CACNA1E: variants seen among roughly 807,000 people sequenced by gnomAD.
CACNA1E encodes calcium voltage-gated channel subunit alpha1 E.
Under a neutral mutation model 259.2 loss-of-function variants are expected in CACNA1E, and 40 were observed. That is an observed-to-expected ratio of 0.15 (90% CI 0.12 to 0.20). The LOEUF is 0.20. Ranked by LOEUF, CACNA1E falls within the 10% of genes least tolerant of loss-of-function variation. CACNA1E has a pLI of 1.00. For missense variants in CACNA1E, 1,874 were observed against 3,040.1 expected, an observed-to-expected ratio of 0.62 and a Z score of 9.02; for synonymous variants, 1,104 against 1,138.5, an observed-to-expected ratio of 0.97 and a Z score of 0.61.
chr1:181,427,327 C>A (rs1659358981), intron 2 of CACNA1E, among the ~76,000 whole-genome samples: 1 of 150,356 alleles, frequency 6.7e-6, no homozygotes, highest in African/African-American at 2.5e-5. Flanking sequence ...CTGCCCGTCC[C>A]AACCCCTCCC....
chr1:181,381,758 G>A (rs2101998333), intron 1 of CACNA1E, among the ~76,000 whole-genome samples: 1 of 152,330 alleles, frequency 6.6e-6, no homozygotes, highest in Middle Eastern at 3.4e-3. Flanking sequence ...ATATAACTGT[G>A]AGGTTGTAAG....
At chr1:181,369,338 G>A (rs770097777) in intron 1 of CACNA1E, among the ~76,000 whole-genome samples, 4 of 152,174 alleles carry the variant, frequency 2.6e-5, no homozygotes, top group Non-Finnish European at 2.9e-5. Context: ...CTGTTTCTTG[G>A]TCTGACTTGG....
chr1:181,617,724 A>G (rs1400740627), intron 6 of CACNA1E, among the ~76,000 whole-genome samples: 2 of 152,160 alleles, frequency 1.3e-5, no homozygotes, highest in East Asian at 3.9e-4. Context: ...TCACAGAAAG[A>G]TTGCCTCCCA....
chr1:181,504,519 T>C (rs1320650840), intron 1 of CACNA1E, among the ~76,000 whole-genome samples: 1 of 152,156 alleles, frequency 6.6e-6, no homozygotes, highest in Non-Finnish European at 1.5e-5. Flanking sequence ...ACACCCAATA[T>C]TTACTGCCTG....
chr1:181,320,253 G>T (rs1650234371), intron 1 of CACNA1E, among the ~76,000 whole-genome samples: 1 of 152,170 alleles, frequency 6.6e-6, no homozygotes, highest in African/African-American at 2.4e-5. Flanking sequence ...TACATGTCTG[G>T]ATTTCAAACT....
chr1:181,592,743 C>T (rs1001661795), intron 6 of CACNA1E, among the ~76,000 whole-genome samples: 11 of 152,078 alleles, frequency 7.2e-5, no homozygotes, highest in African/African-American at 2.7e-4. Flanking sequence ...CCAAGGACAG[C>T]CACTAAAGTG....
rs1262899211 is a variant in CACNA1E at position 181,483,851 on chromosome 1, C to G, written c.107C>G (p.Ala36Gly). The G allele has an allele frequency of 6.2e-7, 1 of 1,613,668 alleles. No homozygotes were observed. Residue 36 changes from alanine to glycine, a missense_variant, in exon 1 of 48, where the codon GCG becomes GGG. Transcript: ENST00000367573. ...QGTPVPASGQAAAYKQTKAQR... is the reference protein window; with the variant it reads ...QGTPVPASGQGAAYKQTKAQR... ...ACCCCCGTGCCGGCCTCGGGGCAGG[C>G]GGCCGCCTACAAGCAGACGAAAGCA... is the stretch of plus-strand genomic sequence containing the variant.
At chr1:181,607,039 C>T (rs887015448) in intron 6 of CACNA1E, among the ~76,000 whole-genome samples, 15 of 152,162 alleles carry the variant, frequency 9.9e-5, no homozygotes, top group African/African-American at 3.6e-4. Flanking sequence ...ATGTTTAATA[C>T]CATTCTACCT....
chr1:181,388,691 C>A (rs1656036207), intron 1 of CACNA1E, among the ~76,000 whole-genome samples: 1 of 151,990 alleles, frequency 6.6e-6, no homozygotes, highest in African/African-American at 2.4e-5. Context: ...GAGTTTGAGA[C>A]CAGCCTGACC....
intron 7 of CACNA1E, among the ~76,000 whole-genome samples, chr1:181,682,808 TTAC>T (rs905130436): frequency 6.6e-6 from 1 of 152,160 alleles, no homozygotes; most frequent in Non-Finnish European, 1.5e-5. Context: ...TCATGAGAAC[TTAC>T]TATCACAAGA....
At chr1:181,754,004 C>G (rs1047997387) in intron 27 of CACNA1E, among the ~76,000 whole-genome samples, 1 of 152,180 alleles carries the variant, frequency 6.6e-6, no homozygotes, top group Non-Finnish European at 1.5e-5. Context: ...GGAGGAAGCA[C>G]TTCTCACAAT....
chr1:181,320,370 C>T (rs1175338083), intron 1 of CACNA1E, among the ~76,000 whole-genome samples: 1 of 152,186 alleles, frequency 6.6e-6, no homozygotes, highest in East Asian at 1.9e-4. Flanking sequence ...GTCAGTCACA[C>T]CTCCATCCCC....
chr1:181,585,022 G>A (rs971318375), intron 6 of CACNA1E, among the ~76,000 whole-genome samples: 3 of 116,778 alleles, frequency 2.6e-5, no homozygotes, highest in Admixed American at 8.4e-5. Flanking sequence ...CCCCCCCCCT[G>A]CCTCAAACAA....
intron 1 of CACNA1E, among the ~76,000 whole-genome samples, chr1:181,324,732 T>A (rs1424594952): frequency 6.6e-6 from 1 of 152,162 alleles, no homozygotes; most frequent in East Asian, 1.9e-4. Flanking sequence ...GAGGTTTGCA[T>A]CCATGAAGCC....
chr1:181,383,025 C>T (rs1478334777), intron 1 of CACNA1E, among the ~76,000 whole-genome samples: 1 of 152,194 alleles, frequency 6.6e-6, no homozygotes, highest in Non-Finnish European at 1.5e-5. Flanking sequence ...TTCTGGGGAC[C>T]TCCTCCCCAC....
At chr1:181,649,999 TTAATA>T (rs1456823672) in intron 6 of CACNA1E, among the ~76,000 whole-genome samples, 2 of 152,184 alleles carry the variant, frequency 1.3e-5, no homozygotes, top group Non-Finnish European at 2.9e-5. Flanking sequence ...ACCCTTGAAC[TTAATA>T]TAAAAGTTAA....
At chr1:181,572,603 A>T (rs1650527274) in intron 3 of CACNA1E, among the ~76,000 whole-genome samples, 1 of 152,176 alleles carries the variant, frequency 6.6e-6, no homozygotes, top group African/African-American at 2.4e-5. Context: ...CTGTGTGCCT[A>T]TAGTGACAAA....
intron 1 of CACNA1E, among the ~76,000 whole-genome samples, chr1:181,349,058 C>T (rs1181427781): frequency 5.4e-5 from 8 of 147,138 alleles, no homozygotes; most frequent in Non-Finnish European, 8.9e-5. Flanking sequence ...GGGGGCTCCT[C>T]AGACAGCAGC....
At chr1:181,594,117 G>A (rs1392661998) in intron 6 of CACNA1E, among the ~76,000 whole-genome samples, 1 of 151,980 alleles carries the variant, frequency 6.6e-6, no homozygotes, top group Non-Finnish European at 1.5e-5. Flanking sequence ...TTTGTGATCT[G>A]TGAAGGCTAA....
Sources: allele counts gnomAD v4.1 joint callset (sites outside exome capture counted in the v4.1 genomes callset), GRCh38; gene constraint gnomAD v4.1.1; transcripts MANE v1.5; gene names NCBI Gene and HGNC (gene_info 2026-07-23, HGNC 2026-07-21).